TRPM6: variants seen among roughly 807,000 people sequenced by gnomAD.
TRPM6 encodes the protein channel kinase 2.
In TRPM6, 111 loss-of-function variants were observed where a neutral mutation model predicts 247.6. The ratio of observed to expected loss-of-function variants is 0.45; its 90% CI spans 0.38 to 0.52. The LOEUF is 0.52. Ranked by LOEUF, TRPM6 falls within the 20% of genes least tolerant of loss-of-function variation. The pLI is 0.00. For synonymous variants in TRPM6, 892 were observed against 853.8 expected (o/e 1.04, Z -0.78); for missense variants, 2,126 against 2,421.5 (o/e 0.88, Z 2.56).
intron 6 of TRPM6, among the ~76,000 whole-genome samples, chr9:74,832,854 C>A (rs947193722): frequency 6.6e-6 from 1 of 152,106 alleles, no homozygotes; most frequent in Admixed American, 6.5e-5. Flanking sequence ...AGTTTGAGAC[C>A]AGCCTAGCCA....
At chr9:74,820,499 C>T in intron 8 of TRPM6, 72 bp from the exon 9 acceptor site, 1 of 1,581,640 alleles carries the variant, frequency 6.3e-7, no homozygotes, top group Non-Finnish European at 8.7e-7. Flanking sequence ...TACAAGAAAA[C>T]ACCCCATCAG....
intron 23 of TRPM6, among the ~76,000 whole-genome samples, chr9:74,780,516 G>A (rs1374983093): frequency 7.2e-5 from 11 of 152,052 alleles, no homozygotes; most frequent in African/African-American, 2.7e-4. Flanking sequence ...AGTCATTGTA[G>A]TGACTTAAAC....
intron 38 of TRPM6, among the ~76,000 whole-genome samples, chr9:74,726,673 T>C (rs1039638730): frequency 1.3e-5 from 2 of 152,160 alleles, no homozygotes; most frequent in Non-Finnish European, 2.9e-5. Context: ...TACTTGTGTC[T>C]TCAAGAATGC....
chr9:74,775,473 T>C (rs1827186968), intron 24 of TRPM6, among the ~76,000 whole-genome samples: 1 of 152,194 alleles, frequency 6.6e-6, no homozygotes, highest in African/African-American at 2.4e-5. Flanking sequence ...TTATCTTTTC[T>C]CTTAGACCCC....
intron 19 of TRPM6, among the ~76,000 whole-genome samples, chr9:74,790,294 T>C (rs772954141): frequency 4.6e-5 from 7 of 152,184 alleles, no homozygotes; most frequent in Non-Finnish European, 8.8e-5. Flanking sequence ...TAAATTTCAA[T>C]AATTCTATAC....
chr9:74,820,976 C>T lies in TRPM6; in HGVS notation c.1011-549G>A, dbSNP rs560197752. 2.6e-5 allele frequency among the ~76,000 whole-genome samples: 4 copies of T among 152,036 alleles called. No individual in the cohort carries two copies. The South Asian group carries it at 6.2e-4, about 24-fold the overall frequency. ...GAAAGCAGAGGGAGATGGTAGAGGGCGGAAGTGGAGGCAGGAGAAATGAAC... is the reference window on the plus strand; with the variant it reads ...GAAAGCAGAGGGAGATGGTAGAGGGTGGAAGTGGAGGCAGGAGAAATGAAC... On this transcript the variant is annotated intron_variant, in intron 8 of 38. Coordinates refer to ENST00000360774, the MANE Select transcript of TRPM6 (RefSeq NM_017662.5).
At chr9:74,867,736 G>A (rs1395051156) in intron 1 of TRPM6, among the ~76,000 whole-genome samples, 2 of 152,004 alleles carry the variant, frequency 1.3e-5, no homozygotes, top group African/African-American at 4.8e-5. Context: ...ACAATCCATA[G>A]GCAGGATACA....
At chr9:74,819,907 A>T (rs1053442662) in intron 9 of TRPM6, among the ~76,000 whole-genome samples, 7 of 152,242 alleles carry the variant, frequency 4.6e-5, no homozygotes, top group African/African-American at 1.4e-4. Context: ...CAAGAAGTCA[A>T]GTTTACTCAA....
At position 74,871,831 on chromosome 9, in the gene TRPM6, G is replaced by A. The variant is rs556600560; in HGVS notation, c.34-13083C>T. ...AGTATCTAGGATTACAAGCATGTGC[G>A]ACCATACCCAACTCAGTAGTAACTT... On this transcript the variant is annotated intron_variant, in intron 1 of 38. Transcript: ENST00000360774. 7.3e-5 allele frequency among the ~76,000 whole-genome samples: 11 copies of A among 150,806 alleles called. No individual in the cohort carries two copies. The East Asian group carries it at 1.6e-3, about 21-fold the overall frequency.
intron 19 of TRPM6, among the ~76,000 whole-genome samples, chr9:74,792,325 G>C (rs954528819): frequency 1.3e-5 from 2 of 152,140 alleles, no homozygotes; most frequent in Admixed American, 1.3e-4. Flanking sequence ...AGAGACAGGA[G>C]CAAAGCTAAG....
intron 3 of TRPM6, among the ~76,000 whole-genome samples, chr9:74,852,407 T>C (rs990045835): frequency 2.0e-5 from 3 of 150,006 alleles, no homozygotes; most frequent in Non-Finnish European, 3.0e-5. Context: ...CATAAAAGTG[T>C]CCCGCTCCCG....
At chr9:74,859,257 C>G (rs1435388858) in intron 1 of TRPM6, among the ~76,000 whole-genome samples, 1 of 152,146 alleles carries the variant, frequency 6.6e-6, no homozygotes, top group African/African-American at 2.4e-5. Context: ...TGTGTTGTTT[C>G]AGGTTGCACA....
At position 74,887,651 on chromosome 9, in the gene TRPM6, T is replaced by C. The variant is rs572495054; in HGVS notation, c.33+173A>G. On this transcript the variant is annotated intron_variant, in intron 1 of 38. Transcript: ENST00000360774. ...ACTACCTTAGATAGGATAATCATCT[T>C]TGGGTGGAGACCAGAGAACTTGAAA... The C allele has an allele frequency of 6.3e-6, 10 of 1,585,668 alleles. No individual in the cohort carries two copies. The African/African-American group carries it at 1.1e-4, about 17-fold the overall frequency.
In TRPM6 at chr9:74,782,808, G is replaced by A; in HGVS notation, c.2965C>T (p.Leu989=). Residue 989 remains leucine (L), a synonymous_variant, in exon 22 of 39, where the codon CTG becomes TTG. Transcript: ENST00000360774. The part of the protein sequence containing the change: ...YIVIIMAIVL[L]SFGVARKAIL... ...GCCTTGCGTGCCACTCCAAAGCTCA[G>A]CAGGACTATGGCCATGATGATCACA... is the stretch of plus-strand genomic sequence containing the variant. 1 of 1,614,140 alleles carries A rather than the reference G, an allele frequency of 6.2e-7. No homozygotes were observed. The highest frequency in any genetic ancestry group is 2.2e-5 in the East Asian group (1 of 44,872).
At chr9:74,877,371 A>G (rs1831226351) in intron 1 of TRPM6, among the ~76,000 whole-genome samples, 1 of 152,238 alleles carries the variant, frequency 6.6e-6, no homozygotes, top group South Asian at 2.1e-4. Flanking sequence ...AGCCACAGGA[A>G]AAAAGCACCT....
intron 3 of TRPM6, among the ~76,000 whole-genome samples, chr9:74,854,241 T>C (rs1028371805): frequency 3.3e-5 from 5 of 152,212 alleles, no homozygotes; most frequent in African/African-American, 1.2e-4. Flanking sequence ...CTGAGAGGTA[T>C]AAAAGTAGAT....
chr9:74,728,496 T>C (rs1825409072), intron 37 of TRPM6, 151 bp from the exon 38 acceptor site: 1 of 669,654 alleles, frequency 1.5e-6, no homozygotes, highest in African/African-American at 1.8e-5. Context: ...ACAACAATGT[T>C]AGGTTTGCAA....
chr9:74,784,861 C>T (rs1827590675), intron 21 of TRPM6, among the ~76,000 whole-genome samples: 1 of 152,162 alleles, frequency 6.6e-6, no homozygotes, highest in African/African-American at 2.4e-5. Flanking sequence ...CCTGTAATCC[C>T]AGCATTTTGG....
intron 3 of TRPM6, among the ~76,000 whole-genome samples, chr9:74,846,132 A>T (rs1396466466): frequency 6.6e-6 from 1 of 152,222 alleles, no homozygotes; most frequent in Non-Finnish European, 1.5e-5. Context: ...TGTGACTTTC[A>T]CCTAACCTTG....
Sources: allele counts gnomAD v4.1 joint callset (sites outside exome capture counted in the v4.1 genomes callset), GRCh38; gene constraint gnomAD v4.1.1; transcripts MANE v1.5; gene names NCBI Gene and HGNC (gene_info 2026-07-23, HGNC 2026-07-21).